Variants in KDSR observed in about 807,000 individuals in gnomAD.
KDSR encodes 3-dehydrosphinganine reductase.
In KDSR, 23 loss-of-function variants were observed where a neutral mutation model predicts 41.3. The observed-to-expected ratio is 0.56, with a 90% CI of 0.40 to 0.79. The LOEUF is 0.79. Among genes scored for constraint, KDSR ranks in the 30% least tolerant of loss-of-function variants. The probability of loss-of-function intolerance (pLI) is 0.00; values close to 1 mark genes in which losing one functional copy is unlikely to be tolerated. For missense variants in KDSR, 351 were observed against 416.8 expected (o/e 0.84, Z 1.37); for synonymous variants, 138 against 151.7 (o/e 0.91, Z 0.66).
At chr18:63,354,227 T>A (rs778239704) in intron 5 of KDSR, among the ~76,000 whole-genome samples, 1 of 151,916 alleles carries the variant, frequency 6.6e-6, no homozygotes, top group Admixed American at 6.6e-5. Context: ...TGGAGGACAC[T>A]CCGCTTGAGC....
intron 5 of KDSR, among the ~76,000 whole-genome samples, chr18:63,352,947 AC>A (rs1342983802): frequency 6.6e-5 from 10 of 150,746 alleles, no homozygotes; most frequent in Admixed American, 2.7e-4. Context: ...TAGGTGGATT[AC>A]CTGAGGTCAG....
chr18:63,367,171 G>C lies in KDSR; in HGVS notation c.-53C>G, dbSNP rs1271932557. 9.3e-6 allele frequency: 9 copies of C among 967,548 alleles called. No homozygotes were observed. Among genetic ancestry groups the C allele is most frequent in the Non-Finnish European group, 8.1e-6 (6 of 738,712 alleles). The allele number at this position is 967,548 out of a possible 1,614,324, so 59.9% of individuals were successfully genotyped here. On this transcript the variant is annotated 5_prime_UTR_variant, in exon 1 of 10. Coordinates refer to ENST00000645214, the MANE Select transcript of KDSR (RefSeq NM_002035.4). ...GGCCGGGCGGGGGCCGCCGGGCAAGGCGCGCAGGGCTGGGCTGCGGCGAGG... is the reference window on the plus strand; with the variant it reads ...GGCCGGGCGGGGGCCGCCGGGCAAGCCGCGCAGGGCTGGGCTGCGGCGAGG...
intron 8 of KDSR, among the ~76,000 whole-genome samples, chr18:63,336,744 C>A (rs1414807985): frequency 1.3e-5 from 2 of 152,156 alleles, no homozygotes; most frequent in African/African-American, 4.8e-5. Flanking sequence ...CAATTCTATA[C>A]TGCAACTAAC....
At chr18:63,357,575 T>TACATAC (rs1568282558) in intron 3 of KDSR, among the ~76,000 whole-genome samples, 148 of 107,340 alleles carry the variant, frequency 1.4e-3, no homozygotes, top group African/African-American at 4.5e-3. Flanking sequence ...TACATACATA[T>TACATAC]ATATATATAT....
At chr18:63,365,249 G>C (rs781021178) in intron 1 of KDSR, among the ~76,000 whole-genome samples, 1 of 152,176 alleles carries the variant, frequency 6.6e-6, no homozygotes. Context: ...ACCGTAACTA[G>C]ATAGAAAACA....
intron 3 of KDSR, among the ~76,000 whole-genome samples, chr18:63,357,543 C>T (rs1410557909): frequency 7.0e-6 from 1 of 141,948 alleles, no homozygotes; most frequent in Non-Finnish European, 1.5e-5. Context: ...TATATATATA[C>T]ACATATATAT....
chr18:63,367,130 G>A lies in KDSR; in HGVS notation c.-12C>T. On this transcript the variant is annotated 5_prime_UTR_variant, in exon 1 of 10. Coordinates refer to ENST00000645214, the MANE Select transcript of KDSR (RefSeq NM_002035.4). ...GCCAGCAGCAGCATCGCTCCGCGGG[G>A]CCAGGGGCCCGGAGCGGCCGGGCGG... The A allele has an allele frequency of 4.6e-6, 6 of 1,305,786 alleles. No individual in the cohort carries two copies. Among genetic ancestry groups the A allele is most frequent in the Non-Finnish European group, 5.9e-6 (6 of 1,021,406 alleles). 80.9% of individuals were successfully genotyped at this position (1,305,786 alleles called of 1,614,324 possible).
In KDSR at chr18:63,331,308, G is replaced by A. The variant is rs1027005578; in HGVS notation, c.*474C>T. ...AGACAGAGAGACAGAGAGACAGAGA[G>A]ACAGAGAGACAGAGAGACAGAGAGA... On this transcript the variant is annotated 3_prime_UTR_variant, in exon 10 of 10. Transcript: ENST00000645214. 4 of 227,174 alleles carry A rather than the reference G, an allele frequency of 1.8e-5. No individual in the cohort carries two copies. Among genetic ancestry groups the A allele is most frequent in the Non-Finnish European group, 3.4e-5 (4 of 115,944 alleles). The allele number at this position is 227,174 out of a possible 1,614,324, so 14.1% of individuals were successfully genotyped here. A position where few individuals can be genotyped will look rare whatever the true frequency, so the allele number is the denominator to read the frequency against.
chr18:63,335,671 C>T (rs75064813), intron 8 of KDSR: 4 of 206,154 alleles, frequency 1.9e-5, no homozygotes, highest in African/African-American at 2.3e-5. Context: ...GAGACATGGG[C>T]AAGAACCACG....
chr18:63,345,630 G>A (rs1293672839), intron 6 of KDSR: 2 of 152,124 alleles, frequency 1.3e-5, no homozygotes, highest in Non-Finnish European at 2.9e-5. Flanking sequence ...ACTGCCTAAT[G>A]TGACGGCCTT....
chr18:63,353,423 C>T (rs893959218), intron 5 of KDSR, among the ~76,000 whole-genome samples: 6 of 152,004 alleles, frequency 3.9e-5, no homozygotes, highest in South Asian at 2.1e-4. Context: ...AAATGCTAAG[C>T]GGGGAGTGGA....
chr18:63,340,877 G>T (rs1914323726), intron 7 of KDSR, among the ~76,000 whole-genome samples: 1 of 152,196 alleles, frequency 6.6e-6, no homozygotes, highest in Non-Finnish European at 1.5e-5. Flanking sequence ...CACGTAGGTG[G>T]TGAGCTCCCC....
At position 63,327,992 on chromosome 18, in the gene KDSR, G is replaced by A. The variant is rs912667711; in HGVS notation, c.*3790C>T. 2 of 202,406 alleles carry A rather than the reference G, an allele frequency of 9.9e-6. No homozygotes were observed. The highest frequency in any genetic ancestry group is 2.0e-5 in the Non-Finnish European group (2 of 98,798). 12.5% of individuals were successfully genotyped at this position (202,406 alleles called of 1,614,324 possible). ...CACTGAAGTATAATCCGAAGAGCAA[G>A]ATTTAGTCCAGAATATGGAAGGTTC... On this transcript the variant is annotated 3_prime_UTR_variant, in exon 10 of 10. Transcript: ENST00000645214.
Position 63,331,757 on chromosome 18 carries a change from A to G in KDSR, c.*25T>C. ...CAAGCTGTTCAAATTATTTGGAAAC[A>G]GTCTTCTTCCAAGGGGTAAGAAGAT... is the stretch of plus-strand genomic sequence containing the variant. On this transcript the variant is annotated 3_prime_UTR_variant, in exon 10 of 10. Coordinates refer to ENST00000645214, the MANE Select transcript of KDSR (RefSeq NM_002035.4). The G allele has an allele frequency of 6.2e-7, 1 of 1,606,070 alleles. No homozygotes were observed. The highest frequency in any genetic ancestry group is 8.5e-7 in the Non-Finnish European group (1 of 1,176,648).
intron 7 of KDSR, among the ~76,000 whole-genome samples, chr18:63,342,828 C>T (rs537061662): frequency 1.1e-4 from 17 of 152,288 alleles, no homozygotes; most frequent in African/African-American, 4.1e-4. Context: ...TCTGTGTCCC[C>T]ATGCAAATCT....
chr18:63,355,302 A>G lies in KDSR; in HGVS notation c.322-3T>C, dbSNP rs1198037526. On this transcript the variant is annotated splice_polypyrimidine_tract_variant and splice_region_variant and intron_variant, in intron 4 of 9. Transcript: ENST00000645214. ...ACTGGACCCAGTTTCTCCTGTGCCT[A>G]GAAAAATGTAGCAGAGCAGGCATTA... 2.5e-6 allele frequency: 4 copies of G among 1,613,220 alleles called. No homozygotes were observed. The highest frequency in any genetic ancestry group is 3.4e-6 in the Non-Finnish European group (4 of 1,179,508).
intron 7 of KDSR, among the ~76,000 whole-genome samples, chr18:63,343,459 G>T (rs1207144336): frequency 6.7e-6 from 1 of 150,032 alleles, no homozygotes; most frequent in Non-Finnish European, 1.5e-5. Context: ...TACAATCATG[G>T]CTCACTGCAG....
chr18:63,359,487 A>G, intron 3 of KDSR: 2 of 387,544 alleles, frequency 5.2e-6, no homozygotes, highest in East Asian at 3.9e-5. Context: ...AAAAAAAATT[A>G]AAATGAAATT....
rs762913178 is a variant in KDSR at position 63,329,610 on chromosome 18, C to T, written c.*2172G>A. On this transcript the variant is annotated 3_prime_UTR_variant, in exon 10 of 10. Coordinates refer to ENST00000645214, the MANE Select transcript of KDSR (RefSeq NM_002035.4). Reference sequence around the variant, plus strand: ...AAATTGGGATAGGGACAATTGTCTTCTACCGCAAAACAGGGGCTCTCAACA... The same window carrying T: ...AAATTGGGATAGGGACAATTGTCTTTTACCGCAAAACAGGGGCTCTCAACA... The T allele has an allele frequency of 9.9e-6, 2 of 201,390 alleles. No individual in the cohort carries two copies. The highest frequency in any genetic ancestry group is 2.0e-5 in the Non-Finnish European group (2 of 97,886). 12.5% of individuals were successfully genotyped at this position (201,390 alleles called of 1,614,324 possible). A position where few individuals can be genotyped will look rare whatever the true frequency, so the allele number is the denominator to read the frequency against.
Sources: allele counts gnomAD v4.1 joint callset (sites outside exome capture counted in the v4.1 genomes callset), GRCh38; gene constraint gnomAD v4.1.1; transcripts MANE v1.5; gene names NCBI Gene and HGNC (gene_info 2026-07-23, HGNC 2026-07-21).